TOPORS: variants seen among roughly 807,000 people sequenced by gnomAD.
The protein encoded by TOPORS is TOP1 binding arginine/serine rich protein, E3 ubiquitin ligase, also known as E3 ubiquitin-protein ligase Topors.
A neutral mutation model predicts 81.4 loss-of-function variants in TOPORS; 25 were observed. The ratio of observed to expected loss-of-function variants is 0.31; its 90% confidence interval spans 0.22 to 0.43. TOPORS has a LOEUF of 0.43. TOPORS is among the 20% of genes least tolerant of loss of function. The pLI is 1.00. For missense variants in TOPORS, 1,101 were observed against 1,267.0 expected (o/e 0.87, Z 1.99); for synonymous variants, 473 against 456.6 (o/e 1.04, Z -0.46).
chr9:32,546,086 G>A (rs981096758), intron 2 of TOPORS, among the ~76,000 whole-genome samples: 10 of 152,116 alleles, frequency 6.6e-5, no homozygotes, highest in African/African-American at 1.4e-4. Flanking sequence ...CTAAATAAGC[G>A]TTTCTTCAGG....
At position 32,542,124 on chromosome 9, in the gene TOPORS, G is replaced by A; in HGVS notation, c.2401C>T (p.Arg801Trp). Residue 801 changes from arginine to tryptophan, a missense_variant, in exon 3 of 3, where the codon CGG (arginine) becomes TGG (tryptophan). This residue lies in a region of TOPORS where 605 missense variants were observed against 636.1 expected (regional missense o/e 0.95). Transcript: ENST00000360538. The stretch of plus-strand genomic sequence containing the variant: ...ACTTCGTTAGTACCCTCCAAATGCC[G>A]TGTTTTGTATTTTCGTTTCCCTCCA... ...KPGGKRKYKTRHLEGTNEVAQ... is the reference protein window; with the variant it reads ...KPGGKRKYKTWHLEGTNEVAQ... 1.9e-6 allele frequency: 3 copies of A among 1,614,066 alleles called. No individual in the cohort carries two copies. Among genetic ancestry groups the A allele is most frequent in the Non-Finnish European group, 2.5e-6 (3 of 1,179,994 alleles).
chr9:32,543,654 C>A lies in TOPORS; in HGVS notation c.871G>T (p.Ala291Ser). The A allele has an allele frequency of 6.2e-7, 1 of 1,612,980 alleles. No individual in the cohort carries two copies. The highest frequency in any genetic ancestry group is 8.5e-7 in the Non-Finnish European group (1 of 1,179,638). The change falls in exon 3 of 3, where the codon GCT becomes TCT. Residue 291 changes from alanine (A) to serine (S), a missense_variant. Ala to Ser is a moderately conservative substitution (Grantham distance 99). Transcript: ENST00000360538. This position sits in a 1 kb window ranked among gnomAD's most constrained non-coding sequence, Gnocchi z 5.6. ...CAGGGGACTAATCTGTGAAGGCAAGCTGGATTTCTACGGAAAAATTCAGCT... is the reference window on the plus strand; with the variant it reads ...CAGGGGACTAATCTGTGAAGGCAAGATGGATTTCTACGGAAAAATTCAGCT... ...ISAEFFRRNPACLHRLVPWLK... is the reference protein window; with the variant it reads ...ISAEFFRRNPSCLHRLVPWLK...
chr9:32,552,442 C>T lies in TOPORS; in HGVS notation c.-6G>A. On this transcript the variant is annotated 5_prime_UTR_variant, in exon 1 of 3. Transcript: ENST00000360538. ...TGCTGCCGCCTCCTTACCATGAAGC[C>T]AGTAAGTCGTCGCACGCTGGACTGG... 6.2e-7 allele frequency: 1 copy of T among 1,607,902 alleles called. No individual in the cohort carries two copies. The highest frequency in any genetic ancestry group is 1.1e-5 in the South Asian group (1 of 89,840).
Position 32,541,715 on chromosome 9 carries a change from T to C in TOPORS, c.2810A>G (p.Asn937Ser). Residue 937 changes from asparagine to serine, a missense_variant, in exon 3 of 3, where the codon AAT becomes AGT. Asn to Ser is a conservative substitution (Grantham distance 46, BLOSUM62 1). Around this residue, in one of 9 missense-constraint regions of TOPORS, gnomAD observed 605 missense variants for 636.1 expected, o/e 0.95. Coordinates refer to ENST00000360538, the MANE Select transcript of TOPORS (RefSeq NM_005802.5). ...DNSGPQDPLQ[N>S]EFLAPSLEPF... ...TTCCAAGGAAGGAGCCAAAAACTCA[T>C]TTTGTAGAGGGTCTTGAGGACCACT... is the stretch of plus-strand genomic sequence containing the variant. 6.2e-7 allele frequency: 1 copy of C among 1,614,184 alleles called. No individual in the cohort carries two copies. The highest frequency in any genetic ancestry group is 8.5e-7 in the Non-Finnish European group (1 of 1,180,024).
At position 32,543,765 on chromosome 9, in the gene TOPORS, C is replaced by T. The variant is rs768027184; in HGVS notation, c.760G>A (p.Asp254Asn). The change falls in exon 3 of 3, where the codon GAT becomes AAT. Residue 254 changes from aspartate to asparagine, a missense_variant. Asp to Asn is a conservative substitution (Grantham distance 23, BLOSUM62 1). This residue lies in a region of TOPORS where 120 missense variants were observed against 115.4 expected (regional missense o/e 1.04). Coordinates refer to ENST00000360538, the MANE Select transcript of TOPORS (RefSeq NM_005802.5). The surrounding 1 kb of genome is among the most constrained non-coding windows in gnomAD (Gnocchi z 5.6). ...AGAGTTCGTCTAAAATTAATAATATCTTGTTCTTGAATTTTCCGCAAAGAT... is the reference window on the plus strand; with the variant it reads ...AGAGTTCGTCTAAAATTAATAATATTTTGTTCTTGAATTTTCCGCAAAGAT... Reference protein sequence around the residue: ...ERSLRKIQEQDIINFRRTLYR... With the variant: ...ERSLRKIQEQNIINFRRTLYR... The T allele has an allele frequency of 3.8e-5, 62 of 1,611,618 alleles. No homozygotes were observed. Among genetic ancestry groups the T allele is most frequent in the Non-Finnish European group, 5.0e-5 (59 of 1,178,668 alleles).
Position 32,544,171 on chromosome 9 carries a change from G to A in TOPORS, c.354C>T (p.Arg118=), listed in dbSNP as rs745939345. 1.2e-6 allele frequency: 2 copies of A among 1,613,806 alleles called. No homozygotes were observed. The highest frequency in any genetic ancestry group is 1.7e-6 in the Non-Finnish European group (2 of 1,180,034). ...DRFDNVSYLD[R]CLHKFCFRCV... is the part of the protein sequence containing the mutation. Reference sequence around the variant, plus strand: ...AGCGAAAACAGAACTTATGTAAGCAGCGATCTAAGTAAGACACATTATCAA... The same window carrying A: ...AGCGAAAACAGAACTTATGTAAGCAACGATCTAAGTAAGACACATTATCAA... Residue 118 remains arginine, a synonymous_variant, in exon 3 of 3, where the codon CGC becomes CGT. Coordinates refer to ENST00000360538, the MANE Select transcript of TOPORS (RefSeq NM_005802.5).
At chr9:32,544,368 G>T (rs778795372) in intron 2 of TOPORS, 42 bp from the exon 3 acceptor site, 1 of 1,572,042 alleles carries the variant, frequency 6.4e-7, no homozygotes, top group Admixed American at 1.7e-5. Flanking sequence ...TGATAATAGA[G>T]GAATGACTAA....
In TOPORS at chr9:32,542,381, C is replaced by G. The variant is rs773111756; in HGVS notation, c.2144G>C (p.Gly715Ala). ...CCTCCTCCTGTAAGATGATTCGTAC[C>G]CATCCCTGTCCTTGTTTCTACTGTA... is the stretch of plus-strand genomic sequence containing the variant. The part of the protein sequence containing the change: ...TYYSRNKDRD[G>A]YESSYRRRTL... The change falls in exon 3 of 3, where the codon GGG becomes GCG. Residue 715 changes from glycine (G) to alanine (A), a missense_variant. Gly to Ala is a moderately conservative substitution (Grantham distance 60). Coordinates refer to ENST00000360538, the MANE Select transcript of TOPORS (RefSeq NM_005802.5). 3.1e-6 allele frequency: 5 copies of G among 1,613,982 alleles called. No individual in the cohort carries two copies. The highest frequency in any genetic ancestry group is 1.1e-5 in the South Asian group (1 of 91,080).
rs769332940 is a variant in TOPORS at position 32,542,996 on chromosome 9, A to G, written c.1529T>C (p.Met510Thr). 2.5e-6 allele frequency: 4 copies of G among 1,614,042 alleles called. No individual in the cohort carries two copies. The highest frequency in any genetic ancestry group is 3.4e-6 in the Non-Finnish European group (4 of 1,180,044). Residue 510 changes from methionine (M) to threonine (T), a missense_variant, in exon 3 of 3, where the codon ATG (methionine) becomes ACG (threonine). By Grantham distance (81) the Met-to-Thr change is moderately conservative. Around this residue, in one of 9 missense-constraint regions of TOPORS, gnomAD observed 605 missense variants for 636.1 expected, o/e 0.95. Transcript: ENST00000360538. ...CTGTTCTTGTGTCTTCACTGTCTCC[A>G]TTTTCTCATAAGAACCTAAGTCCTC... ...DSEDLGSYEK[M>T]ETVKTQEQEQ...
At chr9:32,545,501 C>G (rs940399391) in intron 2 of TOPORS, among the ~76,000 whole-genome samples, 2 of 151,584 alleles carry the variant, frequency 1.3e-5, no homozygotes, top group African/African-American at 4.9e-5. Flanking sequence ...GTGGCTCATG[C>G]CTGTAATCCA....
rs1382029583 is a variant in TOPORS, at chr9:32,543,172, T to G, written c.1353A>C (p.Thr451=). ...TSDSSDEELV[T]GGATSQIQGV... ...CTTGTATCTGAGACGTGGCTCCTCC[T>G]GTGACAAGTTCTTCATCTGAACTGT... Residue 451 remains threonine, a synonymous_variant, in exon 3 of 3, where the codon ACA becomes ACC. Transcript: ENST00000360538. The surrounding 1 kb of genome is among the most constrained non-coding windows in gnomAD (Gnocchi z 5.6). 11 of 1,613,884 alleles carry G rather than the reference T, an allele frequency of 6.8e-6. No individual in the cohort carries two copies. The highest frequency in any genetic ancestry group is 2.5e-6 in the Non-Finnish European group (3 of 1,180,040).
Position 32,543,428 on chromosome 9 carries a change from G to A in TOPORS, c.1097C>T (p.Ala366Val). 6.2e-7 allele frequency: 1 copy of A among 1,613,790 alleles called. No homozygotes were observed. Among genetic ancestry groups the A allele is most frequent in the Non-Finnish European group, 8.5e-7 (1 of 1,179,840 alleles). ...ATAATTGGCATGCTGGTCAAAGGCT[G>A]CCATGTTAAAAGGAGATCGGGCAAA... The part of the protein sequence containing the change: ...ISFARSPFNM[A>V]AFDQHANYDC... Residue 366 changes from alanine to valine, a missense_variant, in exon 3 of 3, where the codon GCA (alanine) becomes GTA (valine). By Grantham distance (64) the Ala-to-Val change is moderately conservative. Around this residue, in one of 9 missense-constraint regions of TOPORS, gnomAD observed 69 missense variants for 153.6 expected, o/e 0.45. Transcript: ENST00000360538. This position sits in a 1 kb window ranked among gnomAD's most constrained non-coding sequence, Gnocchi z 5.6.
At chr9:32,547,263 G>C (rs1174418761) in intron 2 of TOPORS, among the ~76,000 whole-genome samples, 1 of 152,086 alleles carries the variant, frequency 6.6e-6, no homozygotes, top group African/African-American at 2.4e-5. Flanking sequence ...TAAGTTATTA[G>C]CTCTTCAAAA....
Position 32,551,018 on chromosome 9 carries a change from G to A in TOPORS, c.4-50C>T, listed in dbSNP as rs747482594. 3.1e-6 allele frequency: 5 copies of A among 1,590,484 alleles called. No individual in the cohort carries two copies. In the Admixed American group the frequency reaches 5.1e-5, roughly 16 times the overall value. On this transcript the variant is annotated intron_variant, in intron 1 of 2. Coordinates refer to ENST00000360538, the MANE Select transcript of TOPORS (RefSeq NM_005802.5). ...AATGGCAGCTCGGAAGCAGGGCAGA[G>A]AGCGAGACCCACCCCCCAGCTCCCG...
intron 1 of TOPORS, 48 bp from the exon 2 acceptor site, chr9:32,551,016 G>A: frequency 1.3e-6 from 2 of 1,594,150 alleles, no homozygotes; most frequent in Non-Finnish European, 8.5e-7. Context: ...AAGCAGGGCA[G>A]AGAGCGAGAC....
rs987806775 is a variant in TOPORS at position 32,542,924 on chromosome 9, G to A, written c.1601C>T (p.Ser534Phe). 1.9e-6 allele frequency: 3 copies of A among 1,614,008 alleles called. No homozygotes were observed. The highest frequency in any genetic ancestry group is 2.5e-6 in the Non-Finnish European group (3 of 1,180,020). Residue 534 changes from serine to phenylalanine, a missense_variant, in exon 3 of 3, where the codon TCT becomes TTT. Ser to Phe is a radical substitution (Grantham distance 155). Coordinates refer to ENST00000360538, the MANE Select transcript of TOPORS (RefSeq NM_005802.5). ...SGDSDVSRCS[S>F]PHSVLGKDEQ... ...ATCCTTTCCAAGGACAGAGTGTGGAGATGAGCATCTACTAACATCGCTATC... is the reference window on the plus strand; with the variant it reads ...ATCCTTTCCAAGGACAGAGTGTGGAAATGAGCATCTACTAACATCGCTATC...
In TOPORS at chr9:32,541,079, G is replaced by A. The variant is rs984434581; in HGVS notation, c.*308C>T. ...ACTACCTTAAAAATATGTCAATACC[G>A]TATGGCTTTATGAAATAACTTCTAA... On this transcript the variant is annotated 3_prime_UTR_variant, in exon 3 of 3. Coordinates refer to ENST00000360538, the MANE Select transcript of TOPORS (RefSeq NM_005802.5). 2.7e-5 allele frequency: 6 copies of A among 224,646 alleles called. No individual in the cohort carries two copies. Among genetic ancestry groups the A allele is most frequent in the East Asian group, 1.1e-4 (1 of 9,484 alleles). 13.9% of individuals were successfully genotyped at this position (224,646 alleles called of 1,614,324 possible).
chr9:32,552,380 A>G, intron 1 of TOPORS, 54 bp downstream of exon 1: 1 of 1,603,482 alleles, frequency 6.2e-7, no homozygotes, highest in Non-Finnish European at 8.5e-7. Context: ...CTGGGAGGTT[A>G]CTGTAAGGCC....
chr9:32,551,082 C>T, intron 1 of TOPORS, 114 bp from the exon 2 acceptor site: 2 of 1,282,766 alleles, frequency 1.6e-6, no homozygotes, highest in South Asian at 2.5e-5. Flanking sequence ...CACGCATGCG[C>T]AGCAGATGGA....
Sources: gnomAD v4.1 joint callset for allele counts (sites outside exome capture counted in the v4.1 genomes callset) on GRCh38, gnomAD v4.1.1 for gene constraint, gnomAD v4.1.1 regional missense constraint, Gnocchi (gnomAD v3.1) non-coding constraint, MANE v1.5 for transcripts, NCBI Gene and HGNC (gene_info 2026-07-23, HGNC 2026-07-21) for gene names.